Variants in PCDH15 observed in about 807,000 individuals in gnomAD.
PCDH15 encodes protocadherin-15.
PCDH15 carries 129 observed loss-of-function variants against 178.5 expected under a neutral mutation model. The observed-to-expected ratio is 0.72, with a 90% CI of 0.63 to 0.84. PCDH15 has a LOEUF of 0.84. Ranked by LOEUF, PCDH15 falls within the 40% of genes least tolerant of loss-of-function variation. PCDH15 has a pLI of 0.00. For missense variants in PCDH15, 2,230 were observed against 2,099.9 expected (o/e 1.06, Z -1.21); for synonymous variants, 800 against 732.0 (o/e 1.09, Z -1.50).
chr10:54,162,757 G>A (rs140714565), intron 13 of PCDH15, among the ~76,000 whole-genome samples: 2,324 of 152,190 alleles, frequency 0.015, 36 homozygotes, highest in South Asian at 0.029. Context: ...GGCCTTTTTC[G>A]TTGGTTATAT....
At chr10:55,515,705 G>C (rs1336110583) in intron 2 of PCDH15, among the ~76,000 whole-genome samples, 1 of 151,746 alleles carries the variant, frequency 6.6e-6, no homozygotes, top group African/African-American at 2.4e-5. Context: ...TAACCAAAAA[G>C]GTCGAGAAAT....
intron 2 of PCDH15, among the ~76,000 whole-genome samples, chr10:54,578,087 T>C (rs2090689531): frequency 6.6e-6 from 1 of 152,278 alleles, no homozygotes; most frequent in South Asian, 2.1e-4. Flanking sequence ...TAAGTTTTAA[T>C]GCAAAATAAA....
chr10:55,153,667 G>A (rs1438326538), intron 2 of PCDH15, among the ~76,000 whole-genome samples: 2 of 152,000 alleles, frequency 1.3e-5, no homozygotes, highest in East Asian at 3.9e-4. Context: ...ACCTTCATAG[G>A]TTTAAGGGCA....
chr10:55,194,086 ATTC>A (rs1043984311), intron 1 of PCDH15, among the ~76,000 whole-genome samples: 1 of 152,052 alleles, frequency 6.6e-6, no homozygotes, highest in African/African-American at 2.4e-5. Flanking sequence ...TGATATTATT[ATTC>A]TCACCATCTT....
At chr10:55,068,769 T>TTTTG (rs1554827579) in intron 2 of PCDH15, among the ~76,000 whole-genome samples, 1 of 150,744 alleles carries the variant, frequency 6.6e-6, no homozygotes, top group Non-Finnish European at 1.5e-5. Context: ...TCTTTCATCA[T>TTTTG]TGTGTGTGTG....
chr10:55,578,053 T>G (rs1315656495), intron 2 of PCDH15, among the ~76,000 whole-genome samples: 1 of 152,038 alleles, frequency 6.6e-6, no homozygotes, highest in Non-Finnish European at 1.5e-5. Flanking sequence ...TGTTTAACCT[T>G]AAGAACCAAA....
chr10:53,978,324 C>T (rs2090354742), intron 21 of PCDH15, among the ~76,000 whole-genome samples: 1 of 152,184 alleles, frequency 6.6e-6, no homozygotes, highest in African/African-American at 2.4e-5. Flanking sequence ...TCTACACCCG[C>T]TGGACCAACA....
chr10:55,360,437 C>T (rs1845200438), intron 2 of PCDH15, among the ~76,000 whole-genome samples: 1 of 151,622 alleles, frequency 6.6e-6, no homozygotes, highest in Admixed American at 6.6e-5. Context: ...ACCATTAAGA[C>T]AGTAAGTACA....
intron 2 of PCDH15, among the ~76,000 whole-genome samples, chr10:54,586,159 T>G (rs1428664239): frequency 4.6e-5 from 7 of 152,154 alleles, no homozygotes; most frequent in Non-Finnish European, 1.0e-4. Flanking sequence ...GCTGTTCCAT[T>G]ACAGATGGGA....
intron 3 of PCDH15, among the ~76,000 whole-genome samples, chr10:54,865,833 C>T (rs1200151569): frequency 6.6e-6 from 1 of 151,936 alleles, no homozygotes; most frequent in Non-Finnish European, 1.5e-5. Flanking sequence ...GAGAACTTAG[C>T]TTAAGGGGAG....
At chr10:53,953,094 A>T (rs2087244310) in intron 23 of PCDH15, among the ~76,000 whole-genome samples, 1 of 152,224 alleles carries the variant, frequency 6.6e-6, no homozygotes, top group African/African-American at 2.4e-5. Flanking sequence ...CTCAGCTCTC[A>T]CTGACTCTGC....
At chr10:55,561,684 A>C (rs2132099647) in intron 2 of PCDH15, among the ~76,000 whole-genome samples, 1 of 151,974 alleles carries the variant, frequency 6.6e-6, no homozygotes, top group Non-Finnish European at 1.5e-5. Flanking sequence ...TTTAAAACTA[A>C]GTATTTCAAG....
At chr10:54,064,803 C>T (rs957572499) in intron 18 of PCDH15, among the ~76,000 whole-genome samples, 2 of 152,086 alleles carry the variant, frequency 1.3e-5, no homozygotes, top group African/African-American at 2.4e-5. Context: ...CAGGCACTTC[C>T]GACTCTGTGG....
intron 11 of PCDH15, among the ~76,000 whole-genome samples, chr10:54,191,666 C>T (rs1036748065): frequency 2.0e-5 from 3 of 151,248 alleles, no homozygotes. Context: ...GCCTGTAAAC[C>T]CGAGCAAGGT....
chr10:53,895,663 C>T (rs1002781565), intron 26 of PCDH15, among the ~76,000 whole-genome samples: 8 of 152,100 alleles, frequency 5.3e-5, no homozygotes, highest in Non-Finnish European at 1.0e-4. Flanking sequence ...GCAATAAATG[C>T]TATTTTTGCA....
intron 2 of PCDH15, among the ~76,000 whole-genome samples, chr10:54,945,381 ATAG>A (rs2131868206): frequency 6.6e-6 from 1 of 151,718 alleles, no homozygotes; most frequent in South Asian, 2.1e-4. Context: ...AGATAGATAG[ATAG>A]ATAGATAGAT....
At chr10:54,090,662 A>AG (rs1380901460) in intron 15 of PCDH15, among the ~76,000 whole-genome samples, 2 of 141,280 alleles carry the variant, frequency 1.4e-5, no homozygotes, top group Non-Finnish European at 3.1e-5. Flanking sequence ...AAAAAAAAAA[A>AG]GTGCTAAACT....
intron 2 of PCDH15, among the ~76,000 whole-genome samples, chr10:54,913,208 A>G (rs1435008647): frequency 1.3e-5 from 2 of 152,214 alleles, no homozygotes; most frequent in African/African-American, 4.8e-5. Context: ...AGCTTTTCAG[A>G]GAACTTGTGG....
chr10:53,903,184 C>T, intron 26 of PCDH15, 59 bp downstream of exon 26: 1 of 1,598,468 alleles, frequency 6.3e-7, no homozygotes, highest in Middle Eastern at 2.1e-4. Flanking sequence ...AGGCTTACAG[C>T]TTATCTGCAA....
Sources: allele counts gnomAD v4.1 joint callset (sites outside exome capture counted in the v4.1 genomes callset), GRCh38; gene constraint gnomAD v4.1.1; transcripts MANE v1.5; gene names NCBI Gene and HGNC (gene_info 2026-07-23, HGNC 2026-07-21).